TCF12: variants seen among roughly 807,000 people sequenced by gnomAD.
The protein encoded by TCF12 is DNA-binding protein HTF4.
Under a neutral mutation model 86.0 loss-of-function variants are expected in TCF12, and 45 were observed. The observed-to-expected ratio is 0.52, with a 90% confidence interval of 0.41 to 0.67. The LOEUF is 0.67. Among genes scored for constraint, TCF12 ranks in the 30% least tolerant of loss-of-function variants. The pLI is 0.00. For missense variants in TCF12, 881 were observed against 859.9 expected (o/e 1.02, Z -0.31); for synonymous variants, 330 against 299.6 (o/e 1.10, Z -1.05).
intron 3 of TCF12, among the ~76,000 whole-genome samples, chr15:57,005,373 A>AT (rs1271143628): frequency 1.3e-5 from 2 of 152,150 alleles, no homozygotes; most frequent in African/African-American, 4.8e-5. Context: ...TGATTGTGGT[A>AT]TTTTTTGTGA....
At chr15:56,973,168 C>T (rs1416791123) in intron 3 of TCF12, among the ~76,000 whole-genome samples, 2 of 152,008 alleles carry the variant, frequency 1.3e-5, no homozygotes, top group African/African-American at 2.4e-5. Context: ...ATTTCCCTCC[C>T]GCCTCCCTCC....
chr15:56,984,836 AG>A, intron 3 of TCF12, among the ~76,000 whole-genome samples: 1 of 152,324 alleles, frequency 6.6e-6, no homozygotes, highest in South Asian at 2.1e-4. Flanking sequence ...CATTATGAAA[AG>A]TCCCATAAGA....
intron 3 of TCF12, among the ~76,000 whole-genome samples, chr15:57,000,710 T>C (rs1280749522): frequency 1.3e-5 from 2 of 152,066 alleles, no homozygotes; most frequent in African/African-American, 4.8e-5. Flanking sequence ...AAGGATGATG[T>C]TTTTCCAGTC....
intron 8 of TCF12, among the ~76,000 whole-genome samples, chr15:57,203,066 C>T (rs2057631791): frequency 6.6e-6 from 1 of 152,148 alleles, no homozygotes; most frequent in Non-Finnish European, 1.5e-5. Context: ...TTACCTCCAC[C>T]TGTGTATATA....
At chr15:57,243,402 C>A in intron 12 of TCF12, 70 bp from the exon 13 acceptor site, 1 of 1,342,020 alleles carries the variant, frequency 7.5e-7, no homozygotes, top group Non-Finnish European at 1.1e-6. Context: ...AAAATAACTC[C>A]ATGTGAACGG....
intron 3 of TCF12, among the ~76,000 whole-genome samples, chr15:56,927,450 ATTT>A (rs2060064238): frequency 6.6e-6 from 1 of 152,046 alleles, no homozygotes; most frequent in African/African-American, 2.4e-5. Flanking sequence ...ATGTTAGTTC[ATTT>A]ATGTCCTGTT....
chr15:57,132,627 G>T (rs1355838734), intron 5 of TCF12, among the ~76,000 whole-genome samples: 3 of 152,130 alleles, frequency 2.0e-5, no homozygotes, highest in Non-Finnish European at 4.4e-5. Flanking sequence ...ACACGTGTGT[G>T]CCCATTCTTG....
At chr15:57,016,953 C>CA (rs1303151980) in intron 3 of TCF12, among the ~76,000 whole-genome samples, 1 of 152,152 alleles carries the variant, frequency 6.6e-6, no homozygotes, top group Non-Finnish European at 1.5e-5. Context: ...ACTGGGCATG[C>CA]AGACATCCAT....
chr15:56,954,873 A>G (rs1346711073), intron 3 of TCF12, among the ~76,000 whole-genome samples: 1 of 152,222 alleles, frequency 6.6e-6, no homozygotes, highest in Admixed American at 6.5e-5. Flanking sequence ...GCCAGTTAGA[A>G]TGGCAATCAT....
intron 3 of TCF12, among the ~76,000 whole-genome samples, chr15:56,933,852 T>C (rs564671330): frequency 6.6e-6 from 1 of 152,130 alleles, no homozygotes; most frequent in East Asian, 1.9e-4. Context: ...AGAGGAACAC[T>C]AGCCTATGGA....
intron 4 of TCF12, among the ~76,000 whole-genome samples, chr15:57,080,873 T>C (rs1194238566): frequency 7.2e-5 from 11 of 152,128 alleles, no homozygotes; most frequent in African/African-American, 2.7e-4. Flanking sequence ...TGCCTCTAGG[T>C]TTTTTGAGGC....
chr15:57,132,259 T>G (rs934322556), intron 5 of TCF12, among the ~76,000 whole-genome samples: 4 of 152,214 alleles, frequency 2.6e-5, no homozygotes, highest in Non-Finnish European at 5.9e-5. Context: ...TCATCAAATG[T>G]GTACATTTTT....
At chr15:57,168,580 A>G (rs2055073556) in intron 6 of TCF12, among the ~76,000 whole-genome samples, 1 of 152,168 alleles carries the variant, frequency 6.6e-6, no homozygotes, top group Non-Finnish European at 1.5e-5. Flanking sequence ...CTTTTTTATG[A>G]TACAAGTTAC....
intron 8 of TCF12, among the ~76,000 whole-genome samples, chr15:57,223,932 T>A (rs1329687830): frequency 6.6e-6 from 1 of 151,944 alleles, no homozygotes; most frequent in African/African-American, 2.4e-5. Flanking sequence ...AAGTCATTTT[T>A]AAAATCTCTT....
At chr15:57,018,869 A>G (rs1234727038) in intron 3 of TCF12, among the ~76,000 whole-genome samples, 1 of 152,254 alleles carries the variant, frequency 6.6e-6, no homozygotes, top group African/African-American at 2.4e-5. Flanking sequence ...TTGATGAGCC[A>G]CGCTAACTAC....
chr15:57,039,640 A>AT (rs201271126), intron 3 of TCF12, among the ~76,000 whole-genome samples: 1 of 97,678 alleles, frequency 1.0e-5, no homozygotes, highest in Non-Finnish European at 1.9e-5. Flanking sequence ...ATGTGGTAGA[A>AT]TTTTTTACCC....
chr15:56,970,716 G>GA (rs1226740674), intron 3 of TCF12, among the ~76,000 whole-genome samples: 1 of 151,842 alleles, frequency 6.6e-6, no homozygotes, highest in African/African-American at 2.4e-5. Flanking sequence ...TTTGCATGGG[G>GA]AAAAAACAGT....
At chr15:57,033,854 A>G (rs1196987906) in intron 3 of TCF12, among the ~76,000 whole-genome samples, 2 of 152,180 alleles carry the variant, frequency 1.3e-5, no homozygotes, top group Non-Finnish European at 2.9e-5. Context: ...AGCTATTACA[A>G]GGGAACACAA....
chr15:57,077,331 G>A lies in TCF12; in HGVS notation c.222+13508G>A, dbSNP rs770025651. 6.0e-4 allele frequency among the ~76,000 whole-genome samples: 5 copies of A among 8,332 alleles called. No homozygotes were observed. The South Asian group carries it at 0.018, about 30-fold the overall frequency. The allele number at this position is 8,332 out of a possible 152,430, so 5.5% of individuals were successfully genotyped here. A position where few individuals can be genotyped will look rare whatever the true frequency, so the allele number is the denominator to read the frequency against. On this transcript the variant is annotated intron_variant, in intron 4 of 20. Transcript: ENST00000333725. ...TTTCCATATATATGTATATATATGT[G>A]TGTGTGTGTGTGTGTGTGTGTGTGT...
Sources: allele counts gnomAD v4.1 joint callset (sites outside exome capture counted in the v4.1 genomes callset), GRCh38; gene constraint gnomAD v4.1.1; transcripts MANE v1.5; gene names NCBI Gene and HGNC (gene_info 2026-07-23, HGNC 2026-07-21).